PIWIL4: variants seen among roughly 807,000 people sequenced by gnomAD.
PIWIL4 encodes the protein piwi-like protein 4.
A neutral mutation model predicts 100.9 loss-of-function variants in PIWIL4; 50 were observed. That is an observed-to-expected ratio of 0.50 (90% confidence interval 0.39 to 0.63). PIWIL4 has a LOEUF of 0.63. Ranked by LOEUF, PIWIL4 falls within the 20% of genes least tolerant of loss-of-function variation. The probability of loss-of-function intolerance (pLI) is 0.00; values close to 1 mark genes in which losing one functional copy is unlikely to be tolerated. For synonymous variants in PIWIL4, 342 were observed against 367.5 expected, an observed-to-expected ratio of 0.93 and a Z score of 0.79; for missense variants, 887 against 1,043.3, an observed-to-expected ratio of 0.85 and a Z score of 2.06.
rs535089965 is a variant in PIWIL4, at chr11:94,611,086, G to A, written c.1943+2400G>A. Among the ~76,000 whole-genome samples, 19 of 152,176 alleles carry A rather than the reference G, an allele frequency of 1.2e-4. No homozygotes were observed. The East Asian group carries it at 2.5e-3, about 20-fold the overall frequency. ...TGTCAAAGATTAGTTGACTGTATAC[G>A]TGTGGATTTATTTCTGGGCGTCTTA... On this transcript the variant is annotated intron_variant, in intron 15 of 19. Coordinates refer to ENST00000299001, the MANE Select transcript of PIWIL4 (RefSeq NM_152431.3).
chr11:94,601,672 T>C, intron 11 of PIWIL4, 123 bp from the exon 12 acceptor site: 1 of 946,430 alleles, frequency 1.1e-6, no homozygotes. Context: ...ATCTGTGTTT[T>C]AAGACTGAAT....
chr11:94,605,253 A>C (rs1948699763), intron 13 of PIWIL4, among the ~76,000 whole-genome samples: 1 of 152,228 alleles, frequency 6.6e-6, no homozygotes, highest in African/African-American at 2.4e-5. Flanking sequence ...TTAGTTGTCC[A>C]GTCTCTATAG....
At chr11:94,580,972 C>G (rs1948306397) in intron 4 of PIWIL4, among the ~76,000 whole-genome samples, 1 of 133,288 alleles carries the variant, frequency 7.5e-6, no homozygotes, top group South Asian at 2.4e-4. Context: ...GATCTTGATT[C>G]ACTGCAACCT....
At chr11:94,581,276 C>T (rs1409133146) in intron 4 of PIWIL4, among the ~76,000 whole-genome samples, 2 of 152,054 alleles carry the variant, frequency 1.3e-5, no homozygotes, top group Non-Finnish European at 2.9e-5. Flanking sequence ...ATATATTGCC[C>T]AAGGTTGTCA....
chr11:94,571,340 G>A (rs919304757), intron 2 of PIWIL4, among the ~76,000 whole-genome samples: 1 of 151,970 alleles, frequency 6.6e-6, no homozygotes, highest in Non-Finnish European at 1.5e-5. Flanking sequence ...CAACGTGCAG[G>A]TTTGTTACAT....
At chr11:94,568,014 A>C (rs1948099450) in intron 1 of PIWIL4, among the ~76,000 whole-genome samples, 1 of 151,858 alleles carries the variant, frequency 6.6e-6, no homozygotes, top group Non-Finnish European at 1.5e-5. Context: ...GTTTAGATTA[A>C]ACTACTGTTT....
At position 94,575,077 on chromosome 11, in the gene PIWIL4, A is replaced by G; in HGVS notation, c.245A>G (p.Asp82Gly). The change falls in exon 3 of 20, where the codon GAT becomes GGT. Residue 82 changes from aspartate (D) to glycine (G), a missense_variant. Transcript: ENST00000299001. ...RGVKNKQDFM[D>G]LSICTREKLA... The stretch of plus-strand genomic sequence containing the variant: ...GTGAAAAACAAACAGGACTTTATGG[A>G]TTTGAGTATCTGTACCAGAGAAAAA... The G allele has an allele frequency of 6.2e-7, 1 of 1,614,006 alleles. No individual in the cohort carries two copies. The highest frequency in any genetic ancestry group is 8.5e-7 in the Non-Finnish European group (1 of 1,179,936).
chr11:94,584,093 G>A (rs955529199), intron 5 of PIWIL4, among the ~76,000 whole-genome samples: 6 of 152,260 alleles, frequency 3.9e-5, no homozygotes, highest in African/African-American at 1.4e-4. Flanking sequence ...ATACTCCAGC[G>A]TCTTCTTAGG....
chr11:94,592,355 G>A (rs1948498062), intron 8 of PIWIL4, among the ~76,000 whole-genome samples: 1 of 152,164 alleles, frequency 6.6e-6, no homozygotes, highest in Admixed American at 6.5e-5. Flanking sequence ...GCTTCTTGTG[G>A]ACCTCGCTTT....
chr11:94,600,418 C>G (rs1173157739), intron 11 of PIWIL4, among the ~76,000 whole-genome samples: 1 of 152,084 alleles, frequency 6.6e-6, no homozygotes, highest in Non-Finnish European at 1.5e-5. Context: ...TTCCATGATG[C>G]CCCACAAGCC....
In PIWIL4 at chr11:94,615,640, G is replaced by T. The variant is rs901216901; in HGVS notation, c.1944-853G>T. On this transcript the variant is annotated intron_variant, in intron 15 of 19. Coordinates refer to ENST00000299001, the MANE Select transcript of PIWIL4 (RefSeq NM_152431.3). ...GTTGTTTTTTACAAAAAAACAAAAT[G>T]TTTAGAGATGGGGTCTTGCTTTGTT... 6.6e-5 allele frequency among the ~76,000 whole-genome samples: 10 copies of T among 152,212 alleles called. No individual in the cohort carries two copies. In the East Asian group the frequency reaches 1.9e-3, roughly 29 times the overall value.
intron 15 of PIWIL4, among the ~76,000 whole-genome samples, chr11:94,611,359 G>C (rs1302588135): frequency 6.6e-6 from 1 of 151,712 alleles, no homozygotes; most frequent in African/African-American, 2.4e-5. Context: ...TGTTTATCAG[G>C]GCTTTCCTTT....
At chr11:94,577,770 T>C (rs1948258496) in intron 4 of PIWIL4, among the ~76,000 whole-genome samples, 1 of 152,194 alleles carries the variant, frequency 6.6e-6, no homozygotes, top group African/African-American at 2.4e-5. Context: ...TTTTAGCTTA[T>C]TAACGAAAGA....
chr11:94,585,590 G>GCTCA, intron 6 of PIWIL4, 65 bp downstream of exon 6: 1 of 1,268,956 alleles, frequency 7.9e-7, no homozygotes, highest in Non-Finnish European at 1.1e-6. Flanking sequence ...AATTTATGAT[G>GCTCA]CAATATTATA....
At chr11:94,579,737 A>C (rs1948288127) in intron 4 of PIWIL4, among the ~76,000 whole-genome samples, 1 of 152,204 alleles carries the variant, frequency 6.6e-6, no homozygotes, top group South Asian at 2.1e-4. Context: ...GAAAATCTAG[A>C]TTTGTAAATT....
Position 94,575,144 on chromosome 11 carries a change from T to C in PIWIL4, c.298+14T>C, listed in dbSNP as rs752976020. ...ATTGTAAAACAGGTACCCAGTTTTA[T>C]GTCACTTACTTTTTTAATGTTACCA... On this transcript the variant is annotated intron_variant, in intron 3 of 19. Transcript: ENST00000299001. The C allele has an allele frequency of 6.2e-7, 1 of 1,610,046 alleles. No homozygotes were observed. The highest frequency in any genetic ancestry group is 1.1e-5 in the South Asian group (1 of 89,978).
rs933304184 is a variant in PIWIL4 at position 94,607,621 on chromosome 11, G to A, written c.1821G>A (p.Leu607=). 6 of 1,613,946 alleles carry A rather than the reference G, an allele frequency of 3.7e-6. No homozygotes were observed. The African/African-American group carries it at 6.7e-5, about 18-fold the overall frequency. ...TGACTTGCAAGCTCGGAGGCGAGCT[G>A]TGGGCTGTGGAAATACCTGTAAGGA... The part of the protein sequence containing the change: ...MQMTCKLGGE[L]WAVEIPLKSL... The change falls in exon 14 of 20, where the codon CTG becomes CTA. Residue 607 remains leucine (L), a synonymous_variant. Transcript: ENST00000299001.
chr11:94,571,797 A>G (rs1948158493), intron 2 of PIWIL4, among the ~76,000 whole-genome samples: 1 of 152,206 alleles, frequency 6.6e-6, no homozygotes, highest in African/African-American at 2.4e-5. Context: ...TTGGGTATAT[A>G]TCCAGTAATG....
Position 94,603,301 on chromosome 11 carries a change from T to C in PIWIL4, c.1566-683T>C, listed in dbSNP as rs974549329. ...GCGAGTTTTAAAAAGCCGCTGGGCA[T>C]TGGGACAGTTCACTTATATACACAT... On this transcript the variant is annotated intron_variant, in intron 12 of 19. Coordinates refer to ENST00000299001, the MANE Select transcript of PIWIL4 (RefSeq NM_152431.3). Among the ~76,000 whole-genome samples the C allele has an allele frequency of 2.0e-5, 3 of 152,172 alleles. No homozygotes were observed. In the East Asian group the frequency reaches 5.8e-4, roughly 29 times the overall value.
Sources: allele counts gnomAD v4.1 joint callset (sites outside exome capture counted in the v4.1 genomes callset), GRCh38; gene constraint gnomAD v4.1.1; transcripts MANE v1.5; gene names NCBI Gene and HGNC (gene_info 2026-07-23, HGNC 2026-07-21).